CD1B: variants seen among roughly 807,000 people sequenced by gnomAD.
The protein encoded by CD1B is CD1b molecule.
A neutral mutation model predicts 39.8 loss-of-function variants in CD1B; 43 were observed. The ratio of observed to expected loss-of-function variants is 1.08; its 90% confidence interval spans 0.85 to 1.39. The LOEUF (loss-of-function observed/expected upper bound fraction) is 1.39, where lower values mean the gene tolerates loss of function less well. Ranked by LOEUF, CD1B falls within the 40% of genes most tolerant of loss-of-function variation. The pLI, the probability that CD1B is intolerant of heterozygous loss-of-function variation, is 0.00. For synonymous variants in CD1B, 192 were observed against 152.5 expected (o/e 1.26, Z -1.91); for missense variants, 495 against 403.8 (o/e 1.23, Z -1.94).
the CD1B span, among the ~76,000 whole-genome samples, chr1:158,300,758 CTCTTT>C: frequency 2.8e-5 from 4 of 142,416 alleles, no homozygotes; most frequent in African/African-American, 8.6e-5. Flanking sequence ...CTCTCTCTCT[CTCTTT>C]TTTTTTTTTT....
chr1:158,327,083 C>T (rs1652381098), downstream of CD1B, among the ~76,000 whole-genome samples: 1 of 152,208 alleles, frequency 6.6e-6, no homozygotes, highest in Non-Finnish European at 1.5e-5. Flanking sequence ...AGGCGTGAGC[C>T]ACCACGCTTG....
the CD1B span, chr1:158,291,087 T>TC: frequency 6.5e-7 from 1 of 1,544,232 alleles, no homozygotes. Flanking sequence ...TCCTTGCCTC[T>TC]CTTTTTTTTT....
the CD1B span, among the ~76,000 whole-genome samples, chr1:158,305,488 C>A: frequency 6.6e-6 from 1 of 152,164 alleles, no homozygotes; most frequent in African/African-American, 2.4e-5. Flanking sequence ...GAGAATGGAA[C>A]CAAGTTGGAA....
At chr1:158,331,207 C>G in intron 1 of CD1B, 145 bp from the exon 2 acceptor site, 1 of 1,095,452 alleles carries the variant, frequency 9.1e-7, no homozygotes, top group African/African-American at 1.6e-5. Context: ...TGCCTTAAGG[C>G]TTCAGGTTCT....
At chr1:158,298,847 AT>A in the CD1B span, among the ~76,000 whole-genome samples, 1 of 152,048 alleles carries the variant, frequency 6.6e-6, no homozygotes, top group Non-Finnish European at 1.5e-5. Flanking sequence ...AAAGCTTGCG[AT>A]TTTTGCACGT....
chr1:158,305,507 G>A, the CD1B span, among the ~76,000 whole-genome samples: 1 of 152,198 alleles, frequency 6.6e-6, no homozygotes. Context: ...AAAACACTCT[G>A]CAGGATATTA....
At chr1:158,293,161 A>G in the CD1B span, 2 of 1,344,500 alleles carry the variant, frequency 1.5e-6, no homozygotes, top group South Asian at 2.4e-5. Context: ...GATGGAATAG[A>G]ATCAGCAGTG....
chr1:158,285,521 A>T, the CD1B span, among the ~76,000 whole-genome samples: 15 of 152,324 alleles, frequency 9.8e-5, no homozygotes, highest in Non-Finnish European at 1.9e-4. Context: ...CAAACAAAGG[A>T]TAAGTAGAAA....
chr1:158,293,279 T>C, the CD1B span: 1 of 1,614,022 alleles, frequency 6.2e-7, no homozygotes, highest in Non-Finnish European at 8.5e-7. Context: ...TAATAGTCCT[T>C]GTGTTATGGT....
downstream of CD1B, among the ~76,000 whole-genome samples, chr1:158,323,928 G>T (rs1268789570): frequency 6.6e-6 from 1 of 152,224 alleles, no homozygotes; most frequent in Admixed American, 6.5e-5. Flanking sequence ...ACAAAGGCTG[G>T]TGGTCCCACC....
chr1:158,290,147 G>A, the CD1B span: 1 of 1,608,398 alleles, frequency 6.2e-7, no homozygotes, highest in Non-Finnish European at 8.5e-7. Context: ...GCTGTCAGCT[G>A]CAAGGTTACA....
At chr1:158,329,244 T>G in intron 4 of CD1B, 126 bp downstream of exon 4, 1 of 1,247,866 alleles carries the variant, frequency 8.0e-7, no homozygotes, top group East Asian at 2.4e-5. Context: ...GGGATTGGGG[T>G]CAGGGAAATC....
chr1:158,308,875 A>G, the CD1B span, among the ~76,000 whole-genome samples: 2 of 152,160 alleles, frequency 1.3e-5, no homozygotes, highest in Non-Finnish European at 2.9e-5. Context: ...AACCGTAAAA[A>G]CCCTAGAAGA....
chr1:158,290,105 C>A, the CD1B span: 5 of 1,613,870 alleles, frequency 3.1e-6, no homozygotes, highest in South Asian at 5.5e-5. Context: ...CTTCTTCTCC[C>A]AGGTGGTGAC....
chr1:158,328,185 C>G lies in CD1B; in HGVS notation c.*51G>C. 1 of 1,460,744 alleles carries G rather than the reference C, an allele frequency of 6.8e-7. No individual in the cohort carries two copies. Among genetic ancestry groups the G allele is most frequent in the Non-Finnish European group, 9.5e-7 (1 of 1,047,982 alleles). 90.5% of individuals were successfully genotyped at this position (1,460,744 alleles called of 1,614,324 possible). A position where few individuals can be genotyped will look rare whatever the true frequency, so the allele number is the denominator to read the frequency against. ...ATAAGATTGACTTTTGGGCTGATATCTTGGGCTTCTTGGTACTTATTGCGA... is the reference window on the plus strand; with the variant it reads ...ATAAGATTGACTTTTGGGCTGATATGTTGGGCTTCTTGGTACTTATTGCGA... On this transcript the variant is annotated 3_prime_UTR_variant, in exon 6 of 6. Transcript: ENST00000368168.
the CD1B span, among the ~76,000 whole-genome samples, chr1:158,321,882 C>A: frequency 6.6e-6 from 1 of 152,140 alleles, no homozygotes; most frequent in Non-Finnish European, 1.5e-5. Flanking sequence ...TTAACCCCAG[C>A]ATCCATTAGC....
At chr1:158,326,435 C>T (rs1212606990), downstream of CD1B, among the ~76,000 whole-genome samples, 1 of 152,092 alleles carries the variant, frequency 6.6e-6, no homozygotes, top group Non-Finnish European at 1.5e-5. Flanking sequence ...AAGAATCCTA[C>T]AGATTAAAAA....
the CD1B span, among the ~76,000 whole-genome samples, chr1:158,309,028 A>G: frequency 1.3e-5 from 2 of 152,214 alleles, no homozygotes; most frequent in African/African-American, 2.4e-5. Context: ...AGAAACTACC[A>G]TCAGAGTGAA....
chr1:158,291,975 C>T, the CD1B span: 1 of 1,096,152 alleles, frequency 9.1e-7, no homozygotes, highest in Non-Finnish European at 1.3e-6. Flanking sequence ...CTCACTCTCA[C>T]ATCCATGTAA....
Sources: allele counts gnomAD v4.1 joint callset (sites outside exome capture counted in the v4.1 genomes callset), GRCh38; gene constraint gnomAD v4.1.1; transcripts MANE v1.5; gene names NCBI Gene and HGNC (gene_info 2026-07-23, HGNC 2026-07-21).